Variants in DPP10 observed in about 807,000 individuals in gnomAD.
The protein encoded by DPP10 is dipeptidyl peptidase like 10.
DPP10 carries 33 observed loss-of-function variants against 120.9 expected under a neutral mutation model. The observed-to-expected ratio is 0.27, with a 90% CI of 0.21 to 0.37. The LOEUF is 0.37. Among genes scored for constraint, DPP10 ranks in the 10% least tolerant of loss-of-function variants. The pLI is 1.00. For missense variants in DPP10, 816 were observed against 942.8 expected (o/e 0.87, Z 1.76); for synonymous variants, 337 against 326.1 (o/e 1.03, Z -0.36).
At chr2:115,175,724 A>C (rs1170221443) in intron 1 of DPP10, among the ~76,000 whole-genome samples, 1 of 152,256 alleles carries the variant, frequency 6.6e-6, no homozygotes, top group African/African-American at 2.4e-5. Flanking sequence ...TTCCAATATG[A>C]TAACCACCAG....
chr2:115,420,454 A>G (rs2069836976), intron 3 of DPP10, among the ~76,000 whole-genome samples: 1 of 152,206 alleles, frequency 6.6e-6, no homozygotes, highest in Admixed American at 6.6e-5. Flanking sequence ...TTCACTATAG[A>G]TAGCTTCAGA....
chr2:115,032,719 GAA>G (rs1156648544), intron 1 of DPP10, among the ~76,000 whole-genome samples: 1 of 143,168 alleles, frequency 7.0e-6, no homozygotes, highest in African/African-American at 2.6e-5. Flanking sequence ...GGTATCTACT[GAA>G]AAAAAAAACA....
rs1012787747 is a variant in DPP10, at chr2:115,187,084, C to T, written c.61-122155C>T. Among the ~76,000 whole-genome samples, 27 of 121,864 alleles carry T rather than the reference C, an allele frequency of 2.2e-4. 1 individual carries two copies. The highest frequency in any genetic ancestry group is 8.8e-4 in the Admixed American group (8 of 9,142). The allele number at this position is 121,864 out of a possible 152,430, so 79.9% of individuals were successfully genotyped here. A position where few individuals can be genotyped will look rare whatever the true frequency, so the allele number is the denominator to read the frequency against. On this transcript the variant is annotated intron_variant, in intron 1 of 25. Transcript: ENST00000410059. The stretch of plus-strand genomic sequence containing the variant: ...ACGGAGTTTCGCTCTGTCGGGCCTG[C>T]GGACTGCAATGGCGCAATCTCGGCT...
At chr2:115,106,072 T>A (rs182120086) in intron 1 of DPP10, among the ~76,000 whole-genome samples, 52 of 152,336 alleles carry the variant, frequency 3.4e-4, no homozygotes, top group African/African-American at 1.1e-3. Context: ...ATACATAGAA[T>A]TTCCATCACC....
chr2:115,759,345 G>A (rs950237836), intron 11 of DPP10, among the ~76,000 whole-genome samples: 4 of 151,190 alleles, frequency 2.6e-5, no homozygotes, highest in African/African-American at 9.7e-5. Flanking sequence ...GATCTTTTGA[G>A]CCAAGAGTTC....
At chr2:114,487,563 A>G (rs1409249170) in intron 1 of DPP10, among the ~76,000 whole-genome samples, 1 of 152,228 alleles carries the variant, frequency 6.6e-6, no homozygotes. Context: ...CAGTTAATTG[A>G]ACAATTAAAA....
chr2:115,382,533 C>T (rs995789141), intron 3 of DPP10, among the ~76,000 whole-genome samples: 5 of 152,198 alleles, frequency 3.3e-5, no homozygotes, highest in Non-Finnish European at 7.3e-5. Flanking sequence ...ATCTCTCACC[C>T]TGGGAGCTGT....
At chr2:114,608,579 G>T (rs1485854081) in intron 1 of DPP10, among the ~76,000 whole-genome samples, 1 of 151,824 alleles carries the variant, frequency 6.6e-6, no homozygotes. Flanking sequence ...TGGAATCATT[G>T]TACCAAAAAG....
rs145537581 is a variant in DPP10 at position 115,836,418 on chromosome 2, C to T, written c.2051-89C>T. The T allele has an allele frequency of 1.2e-4, 174 of 1,511,778 alleles. No individual in the cohort carries two copies. The African/African-American group carries it at 2.1e-3, about 18-fold the overall frequency. The allele number at this position is 1,511,778 out of a possible 1,614,324, so 93.6% of individuals were successfully genotyped here. A position where few individuals can be genotyped will look rare whatever the true frequency, so the allele number is the denominator to read the frequency against. On this transcript the variant is annotated intron_variant, in intron 22 of 25. Transcript: ENST00000410059. Reference sequence around the variant, plus strand: ...TTCAGCTGATTTTACTAAAGCATGACAATTAAATGTAAAATGAAGAAATTA... The same window carrying T: ...TTCAGCTGATTTTACTAAAGCATGATAATTAAATGTAAAATGAAGAAATTA...
intron 1 of DPP10, among the ~76,000 whole-genome samples, chr2:115,009,958 A>G (rs1702142567): frequency 6.6e-6 from 1 of 152,166 alleles, no homozygotes; most frequent in Non-Finnish European, 1.5e-5. Context: ...ATCTTCCAAA[A>G]CTTACTAGTT....
chr2:115,824,106 C>G (rs1688070092), intron 21 of DPP10, among the ~76,000 whole-genome samples: 1 of 152,068 alleles, frequency 6.6e-6, no homozygotes, highest in Non-Finnish European at 1.5e-5. Flanking sequence ...CCAGCAAAAA[C>G]TAAACTTACA....
intron 1 of DPP10, among the ~76,000 whole-genome samples, chr2:114,897,359 C>G (rs560392043): frequency 6.6e-6 from 1 of 152,270 alleles, no homozygotes; most frequent in South Asian, 2.1e-4. Flanking sequence ...GTGAATCCAT[C>G]TGGTCCTGGA....
At chr2:115,292,850 A>G (rs1196270465) in intron 1 of DPP10, among the ~76,000 whole-genome samples, 1 of 152,126 alleles carries the variant, frequency 6.6e-6, no homozygotes, top group Non-Finnish European at 1.5e-5. Context: ...TACCCTTCTG[A>G]AGATGGTGAC....
chr2:115,343,833 G>C lies in DPP10; in HGVS notation c.192G>C (p.Ser64=). The change falls in exon 3 of 26, where the codon TCG becomes TCC. Residue 64 remains serine (S), a synonymous_variant. Coordinates refer to ENST00000410059, the MANE Select transcript of DPP10 (RefSeq NM_020868.6). ...TTATTTTAGATGAACTCACAAATTC[G>C]TCAGAAACCAGATTGTCTTTGGAAG... The part of the protein sequence containing the change: ...ILLTPDELTN[S]SETRLSLEDL... The C allele has an allele frequency of 6.2e-7, 1 of 1,610,362 alleles. No homozygotes were observed. The highest frequency in any genetic ancestry group is 1.7e-5 in the Admixed American group (1 of 59,548).
chr2:115,526,056 C>T (rs2078118016), intron 5 of DPP10, 84 bp downstream of exon 5: 1 of 1,133,842 alleles, frequency 8.8e-7, no homozygotes, highest in African/African-American at 1.6e-5. Flanking sequence ...CTATAACTCA[C>T]CTAAGCAAAA....
chr2:115,840,928 T>C, intron 25 of DPP10, 105 bp downstream of exon 25: 1 of 908,342 alleles, frequency 1.1e-6, no homozygotes, highest in Non-Finnish European at 1.6e-6. Context: ...TATTATTTTT[T>C]AATATGTTTT....
intron 1 of DPP10, among the ~76,000 whole-genome samples, chr2:114,705,620 G>GA (rs1389396421): frequency 3.3e-5 from 5 of 151,704 alleles, no homozygotes; most frequent in Admixed American, 2.6e-4. Context: ...AAATTGGTTG[G>GA]AAAAAAACTA....
intron 1 of DPP10, among the ~76,000 whole-genome samples, chr2:115,013,308 T>A (rs1172482685): frequency 6.6e-6 from 1 of 152,198 alleles, no homozygotes; most frequent in African/African-American, 2.4e-5. Context: ...TCTTTAAGAA[T>A]GTTGAATATT....
chr2:115,208,827 C>T (rs535363672), intron 1 of DPP10, among the ~76,000 whole-genome samples: 51 of 152,208 alleles, frequency 3.4e-4, no homozygotes, highest in African/African-American at 1.2e-3. Flanking sequence ...CCAACATCAT[C>T]GTTTCAAATT....
Sources: allele counts gnomAD v4.1 joint callset (sites outside exome capture counted in the v4.1 genomes callset), GRCh38; gene constraint gnomAD v4.1.1; transcripts MANE v1.5; gene names NCBI Gene and HGNC (gene_info 2026-07-23, HGNC 2026-07-21).